ADCY8: variants seen among roughly 807,000 people sequenced by gnomAD.
ADCY8 encodes adenylate cyclase type 8.
Under a neutral mutation model 119.7 loss-of-function variants are expected in ADCY8, and 51 were observed. The observed-to-expected ratio is 0.43, with a 90% CI of 0.34 to 0.54. The LOEUF is 0.54. ADCY8 is among the 20% of genes least tolerant of loss of function. ADCY8 has a pLI of 0.03. For missense variants in ADCY8, 1,383 were observed against 1,598.8 expected, an observed-to-expected ratio of 0.87 and a Z score of 2.30; for synonymous variants, 665 against 651.0, an observed-to-expected ratio of 1.02 and a Z score of -0.33.
chr8:130,991,540 A>C (rs1487123830), intron 1 of ADCY8, among the ~76,000 whole-genome samples: 2 of 152,254 alleles, frequency 1.3e-5, no homozygotes, highest in Non-Finnish European at 2.9e-5. Context: ...AGTCCAAAAG[A>C]CAGACTTTCT....
At chr8:130,979,598 T>C (rs1219585376) in intron 2 of ADCY8, among the ~76,000 whole-genome samples, 1 of 152,104 alleles carries the variant, frequency 6.6e-6, no homozygotes, top group African/African-American at 2.4e-5. Flanking sequence ...CGTAGCATAA[T>C]AATTGGTTAT....
At chr8:130,900,566 T>A (rs1467890220) in intron 7 of ADCY8, among the ~76,000 whole-genome samples, 1 of 152,216 alleles carries the variant, frequency 6.6e-6, no homozygotes, top group Non-Finnish European at 1.5e-5. Context: ...TGTCTCCATT[T>A]GACTTTGCTG....
intron 9 of ADCY8, among the ~76,000 whole-genome samples, chr8:130,867,378 A>G (rs1200935190): frequency 6.6e-6 from 1 of 152,190 alleles, no homozygotes; most frequent in East Asian, 1.9e-4. Context: ...CACCTACCTC[A>G]TAAGGTTGTC....
intron 12 of ADCY8, among the ~76,000 whole-genome samples, chr8:130,831,541 C>T (rs926835816): frequency 2.6e-5 from 4 of 152,126 alleles, no homozygotes; most frequent in Non-Finnish European, 5.9e-5. Context: ...ACATATCAGG[C>T]AGGGGGATAT....
chr8:130,932,873 G>A (rs1820674569), intron 5 of ADCY8, among the ~76,000 whole-genome samples: 1 of 152,172 alleles, frequency 6.6e-6, no homozygotes, highest in African/African-American at 2.4e-5. Context: ...TCTATCACAT[G>A]TTTGGAATGA....
chr8:130,798,721 C>G (rs1815667773), intron 15 of ADCY8, among the ~76,000 whole-genome samples: 2 of 152,180 alleles, frequency 1.3e-5, no homozygotes, highest in Middle Eastern at 6.8e-3. Flanking sequence ...TGGTCTGAAT[C>G]AAGGTAAAAG....
chr8:130,814,787 T>A (rs1297597929), intron 13 of ADCY8, among the ~76,000 whole-genome samples: 1 of 152,190 alleles, frequency 6.6e-6, no homozygotes, highest in African/African-American at 2.4e-5. Flanking sequence ...ACTGCCCCCA[T>A]GGCTCAGTTA....
chr8:131,009,533 A>T (rs1563766093), intron 1 of ADCY8, among the ~76,000 whole-genome samples: 1 of 152,188 alleles, frequency 6.6e-6, no homozygotes, highest in African/African-American at 2.4e-5. Context: ...TTCCACCATG[A>T]TTGTAAATTT....
intron 1 of ADCY8, among the ~76,000 whole-genome samples, chr8:131,010,562 G>A (rs1823268524): frequency 6.6e-6 from 1 of 152,080 alleles, no homozygotes; most frequent in Non-Finnish European, 1.5e-5. Flanking sequence ...ACACAAATAA[G>A]GGAAGAAAAA....
intron 13 of ADCY8, among the ~76,000 whole-genome samples, chr8:130,817,032 A>G (rs1267895685): frequency 1.3e-5 from 2 of 152,222 alleles, no homozygotes; most frequent in Admixed American, 1.3e-4. Flanking sequence ...ATTTGATGAC[A>G]TGCTGCCAGA....
chr8:130,831,271 A>G (rs1191275498), intron 12 of ADCY8, among the ~76,000 whole-genome samples: 1 of 152,220 alleles, frequency 6.6e-6, no homozygotes, highest in Non-Finnish European at 1.5e-5. Flanking sequence ...TTCTGCAAAT[A>G]TTTAATTGGA....
chr8:130,907,192 T>A (rs575989092), intron 6 of ADCY8, among the ~76,000 whole-genome samples: 1 of 152,036 alleles, frequency 6.6e-6, no homozygotes, highest in Non-Finnish European at 1.5e-5. Context: ...CAGGAACTGG[T>A]AGAAAGCATC....
chr8:130,788,076 T>C (rs1035198933), intron 15 of ADCY8, among the ~76,000 whole-genome samples: 5 of 152,242 alleles, frequency 3.3e-5, no homozygotes, highest in African/African-American at 1.2e-4. Flanking sequence ...ATTGACAAGC[T>C]ATAAACTCAC....
At chr8:130,883,649 G>A (rs1434888950) in intron 8 of ADCY8, among the ~76,000 whole-genome samples, 1 of 152,154 alleles carries the variant, frequency 6.6e-6, no homozygotes, top group Non-Finnish European at 1.5e-5. Context: ...CCTGAAATTT[G>A]CTTGTAGATT....
chr8:130,997,090 G>T (rs1452346833), intron 1 of ADCY8, among the ~76,000 whole-genome samples: 1 of 152,062 alleles, frequency 6.6e-6, no homozygotes, highest in Non-Finnish European at 1.5e-5. Context: ...TAAACAAAAA[G>T]AATGTAAAAT....
chr8:130,831,337 T>C (rs1017883178), intron 12 of ADCY8, among the ~76,000 whole-genome samples: 10 of 152,234 alleles, frequency 6.6e-5, no homozygotes, highest in African/African-American at 2.4e-4. Flanking sequence ...ATGGTCCTTG[T>C]CTTCAAAATT....
chr8:130,820,718 G>A (rs983046873), intron 13 of ADCY8, among the ~76,000 whole-genome samples: 1 of 152,180 alleles, frequency 6.6e-6, no homozygotes, highest in Non-Finnish European at 1.5e-5. Context: ...CCAGATTCTG[G>A]TAAAGAGTAG....
chr8:130,816,077 A>T (rs1816331170), intron 13 of ADCY8, among the ~76,000 whole-genome samples: 1 of 152,236 alleles, frequency 6.6e-6, no homozygotes, highest in South Asian at 2.1e-4. Context: ...TCAAGGGCTT[A>T]GACAGTTCAG....
chr8:130,968,708 A>G (rs1821837862), intron 2 of ADCY8, among the ~76,000 whole-genome samples: 1 of 152,316 alleles, frequency 6.6e-6, no homozygotes, highest in Non-Finnish European at 1.5e-5. Flanking sequence ...TCTTAGTCTG[A>G]TATAGCAACA....
Sources: allele counts gnomAD v4.1 joint callset (sites outside exome capture counted in the v4.1 genomes callset), GRCh38; gene constraint gnomAD v4.1.1; transcripts MANE v1.5; gene names NCBI Gene and HGNC (gene_info 2026-07-23, HGNC 2026-07-21).